UTP4: variants seen among roughly 807,000 people sequenced by gnomAD.
UTP4 encodes UTP4 small subunit processome component.
UTP4 carries 45 observed loss-of-function variants against 82.4 expected under a neutral mutation model. The ratio of observed to expected loss-of-function variants is 0.55; its 90% CI spans 0.43 to 0.70. The LOEUF (loss-of-function observed/expected upper bound fraction) is 0.70, where lower values mean the gene tolerates loss of function less well. Among genes scored for constraint, UTP4 ranks in the 30% least tolerant of loss-of-function variants. The pLI is 0.00. For synonymous variants in UTP4, 348 were observed against 300.3 expected, an observed-to-expected ratio of 1.16 and a Z score of -1.64; for missense variants, 819 against 858.3, an observed-to-expected ratio of 0.95 and a Z score of 0.57.
chr16:69,156,937 C>T, intron 11 of UTP4, 147 bp from the exon 12 acceptor site: 2 of 760,924 alleles, frequency 2.6e-6, no homozygotes, highest in Non-Finnish European at 4.6e-6. Flanking sequence ...GTATAGATTA[C>T]TGGAGAGAAA....
intron 3 of UTP4, 46 bp downstream of exon 3, chr16:69,136,933 C>G: frequency 6.6e-7 from 1 of 1,507,290 alleles, no homozygotes; most frequent in South Asian, 1.1e-5. Flanking sequence ...TTCTCTCGTG[C>G]CTGCTCAGAC....
intron 8 of UTP4, among the ~76,000 whole-genome samples, chr16:69,152,515 G>C (rs537837361): frequency 5.8e-4 from 86 of 148,758 alleles, no homozygotes; most frequent in Admixed American, 1.6e-3. Flanking sequence ...TGTTGCCCAG[G>C]CTGGAGTGTA....
At chr16:69,147,104 G>C (rs1027488637) in intron 6 of UTP4, among the ~76,000 whole-genome samples, 3 of 149,802 alleles carry the variant, frequency 2.0e-5, no homozygotes, top group African/African-American at 7.3e-5. Flanking sequence ...TTGAACCCGG[G>C]AGATAGACGT....
In UTP4 at chr16:69,137,790, T is replaced by G; in HGVS notation, c.352-11T>G. ...TTGATTTTTTCTGTTTACTACCTCTTTCTCAAATAGGTTGGTTGTGAAGAT... is the reference window on the plus strand; with the variant it reads ...TTGATTTTTTCTGTTTACTACCTCTGTCTCAAATAGGTTGGTTGTGAAGAT... On this transcript the variant is annotated splice_polypyrimidine_tract_variant and intron_variant, in intron 3 of 16. Transcript: ENST00000314423. 6.4e-7 allele frequency: 1 copy of G among 1,569,152 alleles called. No individual in the cohort carries two copies. The highest frequency in any genetic ancestry group is 8.8e-7 in the Non-Finnish European group (1 of 1,139,030).
intron 6 of UTP4, among the ~76,000 whole-genome samples, chr16:69,144,435 G>C (rs1482659515): frequency 6.6e-6 from 1 of 150,750 alleles, no homozygotes; most frequent in African/African-American, 2.4e-5. Context: ...TGATCTGCCT[G>C]CCTCGGCCTC....
intron 8 of UTP4, among the ~76,000 whole-genome samples, chr16:69,151,872 C>G (rs1963278191): frequency 6.6e-6 from 1 of 151,042 alleles, no homozygotes; most frequent in Admixed American, 6.6e-5. Context: ...CGGGAAAACC[C>G]AGGCTTCCAG....
intron 12 of UTP4, among the ~76,000 whole-genome samples, chr16:69,157,769 A>AT (rs998714573): frequency 2.9e-4 from 43 of 150,482 alleles, no homozygotes; most frequent in African/African-American, 9.8e-4. Flanking sequence ...TAATTTTTTC[A>AT]TTTTTTTTGT....
At chr16:69,155,287 C>T (rs1484458941) in intron 10 of UTP4, among the ~76,000 whole-genome samples, 2 of 152,140 alleles carry the variant, frequency 1.3e-5, no homozygotes, top group Non-Finnish European at 2.9e-5. Context: ...GATCCTACCA[C>T]TTCACCCTCC....
At chr16:69,147,552 G>T (rs1319584968) in intron 6 of UTP4, among the ~76,000 whole-genome samples, 2 of 152,094 alleles carry the variant, frequency 1.3e-5, no homozygotes, top group Non-Finnish European at 2.9e-5. Flanking sequence ...TGAACATTGA[G>T]GTACAAGTAC....
At chr16:69,144,965 A>G (rs1375305927) in intron 6 of UTP4, among the ~76,000 whole-genome samples, 1 of 152,034 alleles carries the variant, frequency 6.6e-6, no homozygotes, top group African/African-American at 2.4e-5. Context: ...AACATGGTGA[A>G]ACCCTGTCTC....
In UTP4 at chr16:69,137,734, G is replaced by C. The variant is rs933342896; in HGVS notation, c.352-67G>C. On this transcript the variant is annotated intron_variant, in intron 3 of 16. Transcript: ENST00000314423. ...AGAGAGTGTGTGTTGGGGGGTGTGT[G>C]TGTGTGTTTAGTCCTATAAAATGTT... 7 of 838,586 alleles carry C rather than the reference G, an allele frequency of 8.3e-6. No individual in the cohort carries two copies. In the Admixed American group the frequency reaches 1.0e-4, roughly 12 times the overall value. The allele number at this position is 838,586 out of a possible 1,614,324, so 51.9% of individuals were successfully genotyped here.
At chr16:69,166,127 G>A (rs1431895928) in intron 15 of UTP4, 2 of 171,928 alleles carry the variant, frequency 1.2e-5, no homozygotes, top group South Asian at 1.4e-4. Context: ...CTGCTGTTTT[G>A]ATTCACCCTG....
chr16:69,133,580 GAAATTTAT>G lies in UTP4; in HGVS notation c.124_131del (p.Ile42LeufsTer15). 1 of 1,614,152 alleles carries G rather than the reference GAAATTTAT, an allele frequency of 6.2e-7. No individual in the cohort carries two copies. Among genetic ancestry groups the G allele is most frequent in the South Asian group, 1.1e-5 (1 of 91,076 alleles). ...TGTTTCACGAACAGATGGCACTGTGGAAATTTATAACTTGTCAGCAAACTACTTTCAGG... is the reference window on the plus strand; with the variant it reads ...TGTTTCACGAACAGATGGCACTGTGGAACTTGTCAGCAAACTACTTTCAGG... On this transcript the variant is annotated frameshift_variant, in exon 2 of 17. Transcript: ENST00000314423. LOFTEE classifies it high-confidence loss of function.
In UTP4 at chr16:69,168,860, G is replaced by A. The variant is rs1963769881; in HGVS notation, c.1984G>A (p.Val662Met). The change falls in exon 17 of 17, where the codon GTG becomes ATG. Residue 662 changes from valine (V) to methionine (M), a missense_variant. Val to Met is a conservative substitution (Grantham distance 21). Coordinates refer to ENST00000314423, the MANE Select transcript of UTP4 (RefSeq NM_032830.3). ...GGATCTTTTGGATGAAAGAACACTC[G>A]TGGCAGTAGAACGGCCTCTGGATGA... ...FMDLLDERTLVAVERPLDDII... is the reference protein window; with the variant it reads ...FMDLLDERTLMAVERPLDDII... The A allele has an allele frequency of 5.6e-6, 9 of 1,613,912 alleles. No homozygotes were observed. The highest frequency in any genetic ancestry group is 1.3e-5 in the African/African-American group (1 of 75,024).
intron 3 of UTP4, among the ~76,000 whole-genome samples, 168 bp downstream of exon 3, chr16:69,137,055 C>G (rs1238777633): frequency 6.6e-6 from 1 of 152,170 alleles, no homozygotes; most frequent in Non-Finnish European, 1.5e-5. Flanking sequence ...ATTCTTTTTG[C>G]TACTAGTCTG....
chr16:69,137,993 T>G, intron 4 of UTP4, 108 bp downstream of exon 4: 126 of 760,398 alleles, frequency 1.7e-4, no homozygotes, highest in Non-Finnish European at 2.3e-4. Flanking sequence ...ATTTTATCTC[T>G]ACTGGGTACA....
chr16:69,156,134 A>G, intron 11 of UTP4, 141 bp downstream of exon 11: 1 of 786,594 alleles, frequency 1.3e-6, no homozygotes, highest in South Asian at 1.7e-5. Context: ...GTTATGAAAC[A>G]GTGTTTTATT....
intron 5 of UTP4, among the ~76,000 whole-genome samples, chr16:69,141,810 A>G (rs1962966480): frequency 1.4e-5 from 2 of 142,172 alleles, no homozygotes; most frequent in Non-Finnish European, 3.1e-5. Flanking sequence ...TTATACAGAA[A>G]CTCTTCTCTT....
intron 7 of UTP4, 45 bp from the exon 8 acceptor site, chr16:69,150,768 G>A: frequency 6.2e-7 from 1 of 1,613,568 alleles, no homozygotes; most frequent in Non-Finnish European, 8.5e-7. Context: ...CTGTTCTCGT[G>A]AGGATGACTT....
Sources: gnomAD v4.1 joint callset for allele counts (sites outside exome capture counted in the v4.1 genomes callset) on GRCh38, gnomAD v4.1.1 for gene constraint, MANE v1.5 for transcripts, NCBI Gene and HGNC (gene_info 2026-07-23, HGNC 2026-07-21) for gene names.